The following OR10Z1 variants were observed in gnomAD, a reference collection of about 807,000 sequenced individuals.
The protein encoded by OR10Z1 is olfactory receptor family 10 subfamily Z member 1, also known as olfactory receptor 10Z1.
For missense variants in OR10Z1, 468 were observed against 371.0 expected, an observed-to-expected ratio of 1.26 and a Z score of -2.15; for synonymous variants, 187 against 151.2, an observed-to-expected ratio of 1.24 and a Z score of -1.74.
At position 158,607,167 on chromosome 1, in the gene OR10Z1, G is replaced by A. The variant is rs765961650; in HGVS notation, c.729G>A (p.Ser243=). The change falls in exon 2 of 2, where the codon TCG becomes TCA. Residue 243 remains serine (S), a synonymous_variant. Coordinates refer to ENST00000641002, the MANE Select transcript of OR10Z1 (RefSeq NM_001004478.2). ...GQKKAFSTCA[S]HLTVVIIHYG... ...AGAAGGCCTTCTCCACTTGTGCCTC[G>A]CACCTTACAGTGGTCATTATTCATT... 9.9e-6 allele frequency: 16 copies of A among 1,613,954 alleles called. No homozygotes were observed. In the African/African-American group the frequency reaches 1.1e-4, roughly 11 times the overall value.
Position 158,608,427 on chromosome 1 carries a change from T to A in OR10Z1, c.*1047T>A, listed in dbSNP as rs1187128848. On this transcript the variant is annotated 3_prime_UTR_variant, in exon 2 of 2. Transcript: ENST00000641002. ...TGACTCTAGGTAAGTTATTTAACAT[T>A]TTTTTCAGCTTCCGAGTCTTATCTT... 1.9e-5 allele frequency: 1 copy of A among 53,474 alleles called. No individual in the cohort carries two copies. Among genetic ancestry groups the A allele is most frequent in the African/African-American group, 6.2e-5 (1 of 16,024 alleles). 3.3% of individuals were successfully genotyped at this position (53,474 alleles called of 1,614,324 possible).
In OR10Z1 at chr1:158,607,005, T is replaced by G. The variant is rs1649071079; in HGVS notation, c.567T>G (p.Cys189Trp). The G allele has an allele frequency of 1.9e-6, 3 of 1,613,948 alleles. No homozygotes were observed. In the African/African-American group the frequency reaches 4.0e-5, roughly 22 times the overall value. The stretch of plus-strand genomic sequence containing the variant: ...CGCCACCTGTGCTGAGCCTAGCCTG[T>G]GGAGATACAGGCCCGAGTGAGCTGA... ...CDTPPVLSLA[C>W]GDTGPSELRI... is the part of the protein sequence containing the mutation. The change falls in exon 2 of 2, where the codon TGT (cysteine) becomes TGG (tryptophan). Residue 189 changes from cysteine to tryptophan, a missense_variant. Physicochemically the swap from Cys to Trp is radical, Grantham distance 215 (BLOSUM62 -2). Coordinates refer to ENST00000641002, the MANE Select transcript of OR10Z1 (RefSeq NM_001004478.2).
chr1:158,607,322 G>A lies in OR10Z1; in HGVS notation c.884G>A (p.Arg295Lys). Residue 295 changes from arginine to lysine, a missense_variant, in exon 2 of 2, where the codon AGG (arginine) becomes AAG (lysine). Arg to Lys is a conservative substitution (Grantham distance 26, BLOSUM62 2). Transcript: ENST00000641002. ...LNPIVYSLRN[R>K]AIQTALRNAF... ...CCCATTGTTTATAGTCTAAGGAATA[G>A]GGCTATACAGACAGCTCTGAGGAAT... 3 of 1,613,854 alleles carry A rather than the reference G, an allele frequency of 1.9e-6. No homozygotes were observed. The highest frequency in any genetic ancestry group is 2.5e-6 in the Non-Finnish European group (3 of 1,179,826).
rs1339591410 is a variant in OR10Z1, at chr1:158,612,405, CAG to C, written c.*5027_*5028del. ...ATTCCCCACATCTTTGTTCCCATGA[CAG>C]ATGTGTTTGCTTCTGTTACAGTGTT... On this transcript the variant is annotated 3_prime_UTR_variant, in exon 2 of 2. Coordinates refer to ENST00000641002, the MANE Select transcript of OR10Z1 (RefSeq NM_001004478.2). 1.2e-5 allele frequency: 3 copies of C among 255,512 alleles called. No individual in the cohort carries two copies. The East Asian group carries it at 3.1e-4, about 27-fold the overall frequency. The allele number at this position is 255,512 out of a possible 1,614,324, so 15.8% of individuals were successfully genotyped here. A position where few individuals can be genotyped will look rare whatever the true frequency, so the allele number is the denominator to read the frequency against.
At position 158,611,165 on chromosome 1, in the gene OR10Z1, AC is replaced by A; in HGVS notation, c.*3786del. ...CACACACACACACACACACACACAC[AC>A]GAGGCCATCTTTATCTTCCACATTT... is the stretch of plus-strand genomic sequence containing the variant. On this transcript the variant is annotated 3_prime_UTR_variant, in exon 2 of 2. Coordinates refer to ENST00000641002, the MANE Select transcript of OR10Z1 (RefSeq NM_001004478.2). 7.4e-7 allele frequency: 1 copy of A among 1,351,938 alleles called. No individual in the cohort carries two copies. Among genetic ancestry groups the A allele is most frequent in the Non-Finnish European group, 1.0e-6 (1 of 959,732 alleles). The allele number at this position is 1,351,938 out of a possible 1,614,324, so 83.7% of individuals were successfully genotyped here.
At position 158,611,337 on chromosome 1, in the gene OR10Z1, A is replaced by C. The variant is rs1557916028; in HGVS notation, c.*3957A>C. 1.9e-6 allele frequency: 3 copies of C among 1,613,828 alleles called. No individual in the cohort carries two copies. Reference sequence around the variant, plus strand: ...GAGATGGCTTCGACCCCGTGGGTCCATATATTGCTGCATATGTGTGGCACA... The same window carrying C: ...GAGATGGCTTCGACCCCGTGGGTCCCTATATTGCTGCATATGTGTGGCACA... On this transcript the variant is annotated 3_prime_UTR_variant, in exon 2 of 2. Coordinates refer to ENST00000641002, the MANE Select transcript of OR10Z1 (RefSeq NM_001004478.2).
chr1:158,611,207 C>A lies in OR10Z1; in HGVS notation c.*3827C>A, dbSNP rs1389450582. The A allele has an allele frequency of 1.9e-6, 3 of 1,606,288 alleles. No individual in the cohort carries two copies. Among genetic ancestry groups the A allele is most frequent in the East Asian group, 4.5e-5 (2 of 44,498 alleles). Reference sequence around the variant, plus strand: ...TTCCACATTTGCCTGTACTCTTTGCCCCCCAGTAAATTTCCCACGACACTA... The same window carrying A: ...TTCCACATTTGCCTGTACTCTTTGCACCCCAGTAAATTTCCCACGACACTA... On this transcript the variant is annotated 3_prime_UTR_variant, in exon 2 of 2. Coordinates refer to ENST00000641002, the MANE Select transcript of OR10Z1 (RefSeq NM_001004478.2).
rs374294671 is a variant in OR10Z1 at position 158,612,428 on chromosome 1, G to A, written c.*5048G>A. ...GACAGATGTGTTTGCTTCTGTTACA[G>A]TGTTTTTAACTTGTAAAGTTCTGTC... is the stretch of plus-strand genomic sequence containing the variant. On this transcript the variant is annotated 3_prime_UTR_variant, in exon 2 of 2. Coordinates refer to ENST00000641002, the MANE Select transcript of OR10Z1 (RefSeq NM_001004478.2). 6 of 277,098 alleles carry A rather than the reference G, an allele frequency of 2.2e-5. No homozygotes were observed. The highest frequency in any genetic ancestry group is 9.5e-5 in the East Asian group (1 of 10,504). The allele number at this position is 277,098 out of a possible 1,614,324, so 17.2% of individuals were successfully genotyped here.
rs369955517 is a variant in OR10Z1, at chr1:158,611,265, T to C, written c.*3885T>C. On this transcript the variant is annotated 3_prime_UTR_variant, in exon 2 of 2. Transcript: ENST00000641002. ...CTACGATCCACGAGGAGCTGCTTATTAGTTGCCAAAGTAGGAATTGGTGAA... is the reference window on the plus strand; with the variant it reads ...CTACGATCCACGAGGAGCTGCTTATCAGTTGCCAAAGTAGGAATTGGTGAA... 37 of 1,613,496 alleles carry C rather than the reference T, an allele frequency of 2.3e-5. 1 individual carries two copies. In the African/African-American group the frequency reaches 4.1e-4, roughly 18 times the overall value.
At chr1:158,606,295 G>T in intron 1 of OR10Z1, 31 bp from the exon 2 acceptor site, 1 of 614,522 alleles carries the variant, frequency 1.6e-6, no homozygotes, top group Non-Finnish European at 2.9e-6. Context: ...TGAAGTTTGA[G>T]TAGAGTCTAA....
At position 158,606,993 on chromosome 1, in the gene OR10Z1, G is replaced by C. The variant is rs774546981; in HGVS notation, c.555G>C (p.Leu185=). 2.5e-6 allele frequency: 4 copies of C among 1,614,068 alleles called. No homozygotes were observed. The highest frequency in any genetic ancestry group is 3.4e-6 in the Non-Finnish European group (4 of 1,179,978). Residue 185 remains leucine, a synonymous_variant, in exon 2 of 2, where the codon CTG becomes CTC. Transcript: ENST00000641002. ...QHFFCDTPPV[L]SLACGDTGPS... The stretch of plus-strand genomic sequence containing the variant: ...TTTTTTGTGACACGCCACCTGTGCT[G>C]AGCCTAGCCTGTGGAGATACAGGCC...
In OR10Z1 at chr1:158,605,343, G is replaced by C. The variant is rs1649024368; in HGVS notation, c.-172G>C. 1 of 152,722 alleles carries C rather than the reference G, an allele frequency of 6.5e-6. No homozygotes were observed. Among genetic ancestry groups the C allele is most frequent in the South Asian group, 2.1e-4 (1 of 4,830 alleles). The allele number at this position is 152,722 out of a possible 1,614,324, so 9.5% of individuals were successfully genotyped here. On this transcript the variant is annotated 5_prime_UTR_variant, in exon 1 of 2. Coordinates refer to ENST00000641002, the MANE Select transcript of OR10Z1 (RefSeq NM_001004478.2). ...CTGCTGGGAGGCAGTCTAGTGCATG[G>C]GAGCTAAAAGGCAGGACTTGCTTTG...
Position 158,611,124 on chromosome 1 carries a change from A to AGCACAC in OR10Z1, c.*3744_*3745insGCACAC. On this transcript the variant is annotated 3_prime_UTR_variant, in exon 2 of 2. Coordinates refer to ENST00000641002, the MANE Select transcript of OR10Z1 (RefSeq NM_001004478.2). ...CTACAATAAATGTAATATGCACACA[A>AGCACAC]ACACAAGCACACACACACACACACA... 9.8e-7 allele frequency: 1 copy of AGCACAC among 1,022,518 alleles called. No homozygotes were observed. Among genetic ancestry groups the AGCACAC allele is most frequent in the South Asian group, 1.4e-5 (1 of 70,372 alleles). 63.3% of individuals were successfully genotyped at this position (1,022,518 alleles called of 1,614,324 possible). A position where few individuals can be genotyped will look rare whatever the true frequency, so the allele number is the denominator to read the frequency against.
Position 158,611,024 on chromosome 1 carries a change from T to C in OR10Z1, c.*3644T>C. On this transcript the variant is annotated 3_prime_UTR_variant, in exon 2 of 2. Coordinates refer to ENST00000641002, the MANE Select transcript of OR10Z1 (RefSeq NM_001004478.2). Reference sequence around the variant, plus strand: ...TTTGACACCCCTCAGCAGTGACTAGTTGCATACAAAATAGCTTCCACTCCT... The same window carrying C: ...TTTGACACCCCTCAGCAGTGACTAGCTGCATACAAAATAGCTTCCACTCCT... The C allele has an allele frequency of 1.9e-6, 1 of 522,986 alleles. No individual in the cohort carries two copies. Among genetic ancestry groups the C allele is most frequent in the South Asian group, 2.0e-5 (1 of 49,016 alleles). 32.4% of individuals were successfully genotyped at this position (522,986 alleles called of 1,614,324 possible).
In OR10Z1 at chr1:158,607,196, G is replaced by C; in HGVS notation, c.758G>C (p.Gly253Ala). ...CTTACAGTGGTCATTATTCATTATG[G>C]CTGTGCTTCCTTCGTGTACCTGAGG... is the stretch of plus-strand genomic sequence containing the variant. ...SHLTVVIIHYGCASFVYLRPK... is the reference protein window; with the variant it reads ...SHLTVVIIHYACASFVYLRPK... Residue 253 changes from glycine (G) to alanine (A), a missense_variant, in exon 2 of 2, where the codon GGC becomes GCC. Coordinates refer to ENST00000641002, the MANE Select transcript of OR10Z1 (RefSeq NM_001004478.2). 6.2e-7 allele frequency: 1 copy of C among 1,614,004 alleles called. No homozygotes were observed. The highest frequency in any genetic ancestry group is 8.5e-7 in the Non-Finnish European group (1 of 1,179,962).
chr1:158,605,885 G>T (rs1210608169), intron 1 of OR10Z1, among the ~76,000 whole-genome samples: 3 of 152,148 alleles, frequency 2.0e-5, no homozygotes, highest in Non-Finnish European at 4.4e-5. Flanking sequence ...AGCAATATGG[G>T]TGTGTCCATA....
In OR10Z1 at chr1:158,610,885, C is replaced by T. The variant is rs976671141; in HGVS notation, c.*3505C>T. 1.5e-5 allele frequency: 3 copies of T among 206,150 alleles called. No individual in the cohort carries two copies. Among genetic ancestry groups the T allele is most frequent in the Non-Finnish European group, 2.0e-5 (2 of 100,450 alleles). 12.8% of individuals were successfully genotyped at this position (206,150 alleles called of 1,614,324 possible). A position where few individuals can be genotyped will look rare whatever the true frequency, so the allele number is the denominator to read the frequency against. Reference sequence around the variant, plus strand: ...AGTTCCCAGAAATATAGAAGCTCAACATTTTACTTAACTTTGCCCCAAAAA... The same window carrying T: ...AGTTCCCAGAAATATAGAAGCTCAATATTTTACTTAACTTTGCCCCAAAAA... On this transcript the variant is annotated 3_prime_UTR_variant, in exon 2 of 2. Coordinates refer to ENST00000641002, the MANE Select transcript of OR10Z1 (RefSeq NM_001004478.2).
rs1435788310 is a variant in OR10Z1, at chr1:158,607,595, CA to C, written c.*219del. The C allele has an allele frequency of 2.4e-6, 1 of 418,684 alleles. No individual in the cohort carries two copies. The highest frequency in any genetic ancestry group is 2.0e-5 in the African/African-American group (1 of 49,162). 25.9% of individuals were successfully genotyped at this position (418,684 alleles called of 1,614,324 possible). Reference sequence around the variant, plus strand: ...CACTGTGCACAACTCAAAATGAGCCCAAAATCTGAATTTTAACTTTCAGCCT... The same window carrying C: ...CACTGTGCACAACTCAAAATGAGCCCAAATCTGAATTTTAACTTTCAGCCT... On this transcript the variant is annotated 3_prime_UTR_variant, in exon 2 of 2. Coordinates refer to ENST00000641002, the MANE Select transcript of OR10Z1 (RefSeq NM_001004478.2).
rs1649122085 is a variant in OR10Z1 at position 158,608,625 on chromosome 1, T to C, written c.*1245T>C. On this transcript the variant is annotated 3_prime_UTR_variant, in exon 2 of 2. Coordinates refer to ENST00000641002, the MANE Select transcript of OR10Z1 (RefSeq NM_001004478.2). The stretch of plus-strand genomic sequence containing the variant: ...TCTAGGTGGAGGATCAGAGAAGACT[T>C]CATGTCTTAAATAGTATCTGAACTT... 1 of 152,170 alleles carries C rather than the reference T, an allele frequency of 6.6e-6. No individual in the cohort carries two copies. The highest frequency in any genetic ancestry group is 1.5e-5 in the Non-Finnish European group (1 of 68,016). 9.4% of individuals were successfully genotyped at this position (152,170 alleles called of 1,614,324 possible). A position where few individuals can be genotyped will look rare whatever the true frequency, so the allele number is the denominator to read the frequency against.
Sources: gnomAD v4.1 joint callset for allele counts (sites outside exome capture counted in the v4.1 genomes callset) on GRCh38, gnomAD v4.1.1 for gene constraint, MANE v1.5 for transcripts, NCBI Gene and HGNC (gene_info 2026-07-23, HGNC 2026-07-21) for gene names.